The following BABAM2 variants were observed in gnomAD, a reference collection of about 807,000 sequenced individuals.
The protein encoded by BABAM2 is BRISC and BRCA1-A complex member 2.
In BABAM2, 31 loss-of-function variants were observed where a neutral mutation model predicts 54.7. That is an observed-to-expected ratio of 0.57 (90% CI 0.43 to 0.77). The LOEUF is 0.77. Ranked by LOEUF, BABAM2 falls within the 30% of genes least tolerant of loss-of-function variation. BABAM2 has a pLI of 0.00. For missense variants in BABAM2, 364 were observed against 455.8 expected (o/e 0.80, Z 1.83); for synonymous variants, 167 against 162.9 (o/e 1.03, Z -0.19).
chr2:28,309,538 A>G (rs1688877309), intron 11 of BABAM2: 1 of 152,748 alleles, frequency 6.5e-6, no homozygotes, highest in African/African-American at 2.4e-5. Context: ...GCATATGGTA[A>G]GAATTTGATC....
chr2:28,173,348 T>G (rs538868355), intron 7 of BABAM2, among the ~76,000 whole-genome samples: 9 of 152,326 alleles, frequency 5.9e-5, no homozygotes, highest in Non-Finnish European at 1.0e-4. Context: ...TGCATACAAT[T>G]TACCATGTAG....
At chr2:27,892,965 T>G (rs1425518594) in intron 1 of BABAM2, among the ~76,000 whole-genome samples, 1 of 152,228 alleles carries the variant, frequency 6.6e-6, no homozygotes, top group Admixed American at 6.5e-5. Context: ...TCTTATTTTT[T>G]GAGCTATCAA....
chr2:28,286,544 G>T (rs972765316), intron 10 of BABAM2, among the ~76,000 whole-genome samples: 1 of 152,150 alleles, frequency 6.6e-6, no homozygotes, highest in South Asian at 2.1e-4. Flanking sequence ...GGGCCTCTAC[G>T]GTGACTGCTT....
At chr2:28,228,801 A>G (rs1001898428) in intron 7 of BABAM2, among the ~76,000 whole-genome samples, 2 of 152,156 alleles carry the variant, frequency 1.3e-5, no homozygotes, top group Non-Finnish European at 2.9e-5. Context: ...ATACTTTTCC[A>G]CATGCTAAGA....
At chr2:28,176,058 A>G (rs1231250175) in intron 7 of BABAM2, among the ~76,000 whole-genome samples, 1 of 152,196 alleles carries the variant, frequency 6.6e-6, no homozygotes, top group Non-Finnish European at 1.5e-5. Context: ...AACACCATAC[A>G]TACATCTTCA....
intron 3 of BABAM2, among the ~76,000 whole-genome samples, chr2:27,960,111 G>A (rs774254486): frequency 1.2e-4 from 18 of 151,922 alleles, no homozygotes; most frequent in East Asian, 7.7e-4. Context: ...TAGATCTGTC[G>A]TGTGTGAACT....
chr2:28,300,184 C>G (rs1687998680), intron 11 of BABAM2, among the ~76,000 whole-genome samples: 1 of 152,148 alleles, frequency 6.6e-6, no homozygotes, highest in Non-Finnish European at 1.5e-5. Context: ...GGTGATCCGC[C>G]CACCTCAGCC....
At chr2:28,315,737 C>T (rs1447281366) in intron 11 of BABAM2, among the ~76,000 whole-genome samples, 1 of 151,858 alleles carries the variant, frequency 6.6e-6, no homozygotes, top group East Asian at 1.9e-4. Context: ...AATCAATCCT[C>T]CCATCTTGAC....
Position 28,303,850 on chromosome 2 carries a change from A to T in BABAM2, c.1088+5359A>T, listed in dbSNP as rs185581124. Reference sequence around the variant, plus strand: ...TCTCAGAAATTTTTAAAATATTTCAATGTAGAAATCTTGAAATATTTTTAA... The same window carrying T: ...TCTCAGAAATTTTTAAAATATTTCATTGTAGAAATCTTGAAATATTTTTAA... On this transcript the variant is annotated intron_variant, in intron 11 of 11. Coordinates refer to ENST00000379624, the MANE Select transcript of BABAM2 (RefSeq NM_199191.3). Among the ~76,000 whole-genome samples, 203 of 152,282 alleles carry T rather than the reference A, an allele frequency of 1.3e-3. 4 individuals carry two copies. The East Asian group carries it at 0.03, about 23-fold the overall frequency.
intron 10 of BABAM2, among the ~76,000 whole-genome samples, chr2:28,255,109 C>A (rs1172128221): frequency 6.6e-6 from 1 of 152,038 alleles, no homozygotes; most frequent in Non-Finnish European, 1.5e-5. Context: ...TCACCTAATA[C>A]CCAGTTTGTG....
At chr2:28,242,881 A>C (rs911067861) in intron 9 of BABAM2, among the ~76,000 whole-genome samples, 5 of 152,176 alleles carry the variant, frequency 3.3e-5, no homozygotes, top group Non-Finnish European at 7.3e-5. Context: ...CATTTTGAGA[A>C]AGTACTTTTG....
intron 6 of BABAM2, among the ~76,000 whole-genome samples, chr2:28,057,126 T>C (rs140260027): frequency 7.7e-4 from 117 of 152,284 alleles, no homozygotes; most frequent in African/African-American, 2.6e-3. Flanking sequence ...TACTTCTCTT[T>C]AGGGAGTGTT....
intron 6 of BABAM2, among the ~76,000 whole-genome samples, chr2:28,089,412 T>A (rs904934512): frequency 1.3e-5 from 2 of 152,214 alleles, no homozygotes. Context: ...GCTGGAGGTC[T>A]TGAGGGCAGT....
At chr2:28,117,039 A>G (rs12466422) in intron 6 of BABAM2, among the ~76,000 whole-genome samples, 6,376 of 152,248 alleles carry the variant, frequency 0.042, 708 homozygotes, top group Admixed American at 0.23. Context: ...CATTGATTGA[A>G]GAGGAGCAGT....
chr2:28,257,438 C>T (rs533944940), intron 10 of BABAM2, among the ~76,000 whole-genome samples: 1 of 152,332 alleles, frequency 6.6e-6, no homozygotes, highest in Non-Finnish European at 1.5e-5. Flanking sequence ...ATTTCTTTTA[C>T]TTAGCATAAC....
chr2:28,194,670 C>T (rs1048063574), intron 7 of BABAM2, among the ~76,000 whole-genome samples: 2 of 150,896 alleles, frequency 1.3e-5, no homozygotes, highest in Non-Finnish European at 2.9e-5. Context: ...CAACCTCCGC[C>T]TCCTGGGTTC....
Position 28,117,118 on chromosome 2 carries a change from G to GC in BABAM2, c.571-12152dup, listed in dbSNP as rs532490739. ...TTTAAGTCCACCAAGATGAGAGGCAGCAAGTCCAGAGAACTAGCCTAGCTA... is the reference window on the plus strand; with the variant it reads ...TTTAAGTCCACCAAGATGAGAGGCAGCCAAGTCCAGAGAACTAGCCTAGCTA... On this transcript the variant is annotated intron_variant, in intron 6 of 11. Coordinates refer to ENST00000379624, the MANE Select transcript of BABAM2 (RefSeq NM_199191.3). Among the ~76,000 whole-genome samples, 28 of 152,322 alleles carry GC rather than the reference G, an allele frequency of 1.8e-4. 1 individual carries two copies. In the South Asian group the frequency reaches 5.8e-3, roughly 32 times the overall value.
chr2:28,324,513 C>A (rs1657472349), intron 11 of BABAM2, among the ~76,000 whole-genome samples: 1 of 152,084 alleles, frequency 6.6e-6, no homozygotes, highest in Admixed American at 6.6e-5. Flanking sequence ...GTGGCTCACA[C>A]CTATAATTTC....
At chr2:28,239,317 T>A (rs1193920221) in intron 8 of BABAM2, among the ~76,000 whole-genome samples, 2 of 152,224 alleles carry the variant, frequency 1.3e-5, no homozygotes, top group African/African-American at 4.8e-5. Flanking sequence ...TTCAAGCACT[T>A]TATCTTGAGC....
Sources: gnomAD v4.1 joint callset for allele counts (sites outside exome capture counted in the v4.1 genomes callset) on GRCh38, gnomAD v4.1.1 for gene constraint, MANE v1.5 for transcripts, NCBI Gene and HGNC (gene_info 2026-07-23, HGNC 2026-07-21) for gene names.